BMPR1B: variants seen among roughly 807,000 people sequenced by gnomAD.
BMPR1B encodes the protein bone morphogenetic protein receptor type-1B.
In BMPR1B, 12 loss-of-function variants were observed where a neutral mutation model predicts 59.1. The observed-to-expected ratio is 0.20, with a 90% CI of 0.13 to 0.33. The LOEUF (loss-of-function observed/expected upper bound fraction) is 0.33. Ranked by LOEUF, BMPR1B falls within the 10% of genes least tolerant of loss-of-function variation. BMPR1B has a pLI of 1.00. For missense variants in BMPR1B, 550 were observed against 610.9 expected, an observed-to-expected ratio of 0.90 and a Z score of 1.05; for synonymous variants, 237 against 207.3, an observed-to-expected ratio of 1.14 and a Z score of -1.23.
chr4:94,852,647 G>A (rs1017171174), intron 1 of BMPR1B, among the ~76,000 whole-genome samples: 1 of 151,920 alleles, frequency 6.6e-6, no homozygotes, highest in African/African-American at 2.4e-5. Flanking sequence ...GTAATGGCAA[G>A]CACCCACATT....
chr4:95,127,929 G>A (rs71601260), intron 8 of BMPR1B, among the ~76,000 whole-genome samples: 1 of 151,266 alleles, frequency 6.6e-6, no homozygotes, highest in Admixed American at 6.6e-5. Context: ...CTGTCACTTA[G>A]GCTGGAGTGT....
At chr4:94,887,508 G>A (rs1371159921) in intron 2 of BMPR1B, among the ~76,000 whole-genome samples, 3 of 143,920 alleles carry the variant, frequency 2.1e-5, no homozygotes, top group African/African-American at 7.7e-5. Flanking sequence ...CCTTTAATCA[G>A]AAATTTAAAA....
intron 2 of BMPR1B, among the ~76,000 whole-genome samples, chr4:94,946,599 G>A (rs1382309529): frequency 6.6e-6 from 1 of 152,140 alleles, no homozygotes; most frequent in African/African-American, 2.4e-5. Context: ...GCCAAGAATA[G>A]CTGAAAATTA....
rs181766337 is a variant in BMPR1B at position 95,093,541 on chromosome 4, T to G, written c.-17-10867T>G. 1.8e-3 allele frequency among the ~76,000 whole-genome samples: 281 copies of G among 152,224 alleles called. 2 individuals carry two copies. Among genetic ancestry groups the G allele is most frequent in the African/African-American group, 6.3e-3 (263 of 41,568 alleles). ...ATGTCATATTTACTCTTCTTATGAT[T>G]TTTTTATGTCATAGTCTGGTGTTGT... On this transcript the variant is annotated intron_variant, in intron 3 of 12. Coordinates refer to ENST00000515059, the MANE Select transcript of BMPR1B (RefSeq NM_001203.3).
intron 4 of BMPR1B, among the ~76,000 whole-genome samples, chr4:95,104,870 C>T (rs544174141): frequency 2.5e-4 from 38 of 152,072 alleles, no homozygotes; most frequent in Admixed American, 7.2e-4. Context: ...CTGGTCCCCA[C>T]AATTAGTTAA....
chr4:95,068,556 T>C (rs1728029574), intron 3 of BMPR1B, among the ~76,000 whole-genome samples: 1 of 152,142 alleles, frequency 6.6e-6, no homozygotes, highest in Non-Finnish European at 1.5e-5. Context: ...AACCATTCTA[T>C]ACTCATGTAT....
At chr4:95,089,677 G>A (rs1176485677) in intron 3 of BMPR1B, among the ~76,000 whole-genome samples, 3 of 152,050 alleles carry the variant, frequency 2.0e-5, no homozygotes, top group Non-Finnish European at 4.4e-5. Flanking sequence ...CCAGATTGAA[G>A]ATAACACAAT....
intron 3 of BMPR1B, among the ~76,000 whole-genome samples, chr4:95,026,209 A>T (rs1037178879): frequency 2.8e-5 from 4 of 142,440 alleles, no homozygotes; most frequent in African/African-American, 7.9e-5. Context: ...TTATGTGGAG[A>T]CTTATTATCT....
At chr4:95,102,726 C>A (rs1730910454) in intron 3 of BMPR1B, among the ~76,000 whole-genome samples, 1 of 152,084 alleles carries the variant, frequency 6.6e-6, no homozygotes, top group Non-Finnish European at 1.5e-5. Flanking sequence ...GTGACGTGAA[C>A]TATTTAACCT....
At chr4:94,990,066 T>C (rs1039373086) in intron 2 of BMPR1B, among the ~76,000 whole-genome samples, 2 of 152,136 alleles carry the variant, frequency 1.3e-5, no homozygotes, top group Non-Finnish European at 2.9e-5. Flanking sequence ...GTAACGAAAA[T>C]ATAAGTTGAG....
At chr4:94,960,872 C>T (rs1007346105) in intron 2 of BMPR1B, among the ~76,000 whole-genome samples, 1 of 152,012 alleles carries the variant, frequency 6.6e-6, no homozygotes, top group Non-Finnish European at 1.5e-5. Context: ...CAGATTTGTC[C>T]TTAAGATGAA....
chr4:95,146,999 T>A (rs576669900), intron 10 of BMPR1B, among the ~76,000 whole-genome samples: 2 of 152,156 alleles, frequency 1.3e-5, no homozygotes, highest in African/African-American at 4.8e-5. Flanking sequence ...CTTTTTCCAG[T>A]TTTAGAAAAG....
At chr4:95,079,287 A>C (rs1579042555) in intron 3 of BMPR1B, among the ~76,000 whole-genome samples, 1 of 152,190 alleles carries the variant, frequency 6.6e-6, no homozygotes, top group East Asian at 1.9e-4. Context: ...TGAGGCCTTC[A>C]CAATAGGGAA....
intron 2 of BMPR1B, among the ~76,000 whole-genome samples, chr4:94,903,083 G>T (rs1028756162): frequency 6.6e-6 from 1 of 151,996 alleles, no homozygotes; most frequent in Admixed American, 6.6e-5. Flanking sequence ...GTTAGTTTAT[G>T]TATGTAGCAT....
At chr4:95,110,628 C>A (rs769391357) in intron 4 of BMPR1B, among the ~76,000 whole-genome samples, 8 of 152,160 alleles carry the variant, frequency 5.3e-5, no homozygotes, top group Non-Finnish European at 1.2e-4. Context: ...AATTACCACA[C>A]TCAGCATTCT....
chr4:94,870,817 A>AC (rs980399449), intron 1 of BMPR1B, among the ~76,000 whole-genome samples: 4 of 152,110 alleles, frequency 2.6e-5, no homozygotes, highest in Admixed American at 1.3e-4. Context: ...AAAGAAGGGT[A>AC]CCCTGCCTCA....
chr4:95,135,380 T>G (rs1733695587), intron 10 of BMPR1B, among the ~76,000 whole-genome samples: 1 of 152,138 alleles, frequency 6.6e-6, no homozygotes, highest in Non-Finnish European at 1.5e-5. Context: ...TTAAAGTAGT[T>G]TTTTCCAATT....
chr4:95,130,699 GT>G (rs1209590676), intron 9 of BMPR1B, among the ~76,000 whole-genome samples: 2 of 137,692 alleles, frequency 1.5e-5, no homozygotes, highest in East Asian at 2.2e-4. Flanking sequence ...ACTCCTACAG[GT>G]TTTTTTCTTT....
intron 2 of BMPR1B, among the ~76,000 whole-genome samples, chr4:94,885,806 A>G (rs1284555759): frequency 3.9e-5 from 6 of 152,196 alleles, no homozygotes; most frequent in Non-Finnish European, 8.8e-5. Context: ...TCTTCAGAAG[A>G]AGAAATAAGA....
Sources: gnomAD v4.1 joint callset for allele counts (sites outside exome capture counted in the v4.1 genomes callset) on GRCh38, gnomAD v4.1.1 for gene constraint, MANE v1.5 for transcripts, NCBI Gene and HGNC (gene_info 2026-07-23, HGNC 2026-07-21) for gene names.